Variants in RREB1 observed in about 807,000 individuals in gnomAD.
The protein encoded by RREB1 is ras responsive element binding protein 1.
RREB1 carries 27 observed loss-of-function variants against 117.8 expected under a neutral mutation model. The observed-to-expected ratio is 0.23, with a 90% CI of 0.17 to 0.32. The LOEUF (loss-of-function observed/expected upper bound fraction) is 0.32. Ranked by LOEUF, RREB1 falls within the 10% of genes least tolerant of loss-of-function variation. RREB1 has a pLI of 1.00. For missense variants in RREB1, 2,577 were observed against 2,378.2 expected (o/e 1.08, Z -1.74); for synonymous variants, 1,298 against 1,026.7 (o/e 1.26, Z -5.05).
chr6:7,108,476 C>G (rs867264929), intron 1 of RREB1, among the ~76,000 whole-genome samples: 3 of 152,192 alleles, frequency 2.0e-5, no homozygotes, highest in African/African-American at 7.2e-5. Flanking sequence ...TCCGGCCCGA[C>G]CCGCGCCGCC....
chr6:7,163,771 A>G (rs1763787512), intron 1 of RREB1, among the ~76,000 whole-genome samples: 1 of 152,198 alleles, frequency 6.6e-6, no homozygotes, highest in Non-Finnish European at 1.5e-5. Flanking sequence ...GGTATAGTGG[A>G]CTGCATTTTC....
chr6:7,158,378 A>G (rs537921994), intron 1 of RREB1, among the ~76,000 whole-genome samples: 1 of 151,626 alleles, frequency 6.6e-6, no homozygotes, highest in Admixed American at 6.6e-5. Flanking sequence ...TTTTCTTAAA[A>G]CTCTTACATC....
intron 1 of RREB1, among the ~76,000 whole-genome samples, chr6:7,164,251 C>T (rs1449662517): frequency 2.0e-5 from 3 of 152,196 alleles, no homozygotes; most frequent in Non-Finnish European, 4.4e-5. Flanking sequence ...CCACCCTTTT[C>T]GCCATGGCCT....
intron 6 of RREB1, among the ~76,000 whole-genome samples, chr6:7,206,100 G>A (rs1766256160): frequency 6.6e-6 from 1 of 152,218 alleles, no homozygotes; most frequent in African/African-American, 2.4e-5. Context: ...TACTGTTAAA[G>A]TGTCATGCTT....
intron 1 of RREB1, among the ~76,000 whole-genome samples, chr6:7,108,453 C>G (rs1760944015): frequency 6.6e-6 from 1 of 152,080 alleles, no homozygotes; most frequent in African/African-American, 2.4e-5. Flanking sequence ...TATTAGCCGT[C>G]CGAGCGCAGG....
chr6:7,240,698 G>A (rs1768653017), intron 11 of RREB1, 96 bp downstream of exon 11: 3 of 1,119,138 alleles, frequency 2.7e-6, no homozygotes, highest in Middle Eastern at 2.3e-4. Context: ...TGGAGGGGCT[G>A]CTTGTTCACT....
At chr6:7,156,515 C>T (rs1241450310) in intron 1 of RREB1, among the ~76,000 whole-genome samples, 1 of 152,196 alleles carries the variant, frequency 6.6e-6, no homozygotes, top group Non-Finnish European at 1.5e-5. Context: ...CAGCCACCTT[C>T]CGCACTGAGC....
rs1294479274 is a variant in RREB1 at position 7,230,951 on chromosome 6, C to A, written c.2852C>A (p.Ala951Asp). The change falls in exon 10 of 13, where the codon GCC becomes GAC. Residue 951 changes from alanine to aspartate, a missense_variant. Ala to Asp is a moderately radical substitution (Grantham distance 126, BLOSUM62 -2). Transcript: ENST00000379938. Reference sequence around the variant, plus strand: ...TTCAGGAAAGGGGACAAGGATTTGGCCACTCCCAGCGAAGCCAAGAAGCCT... The same window carrying A: ...TTCAGGAAAGGGGACAAGGATTTGGACACTCCCAGCGAAGCCAAGAAGCCT... ...KNFRKGDKDL[A>D]TPSEAKKPEE... is the part of the protein sequence containing the mutation. 1.2e-6 allele frequency: 2 copies of A among 1,613,946 alleles called. No individual in the cohort carries two copies. Among genetic ancestry groups the A allele is most frequent in the South Asian group, 2.2e-5 (2 of 91,042 alleles).
At chr6:7,210,779 TTGTG>T in intron 6 of RREB1, 21 bp from the exon 7 acceptor site, 1 of 1,589,442 alleles carries the variant, frequency 6.3e-7, no homozygotes, top group Non-Finnish European at 8.6e-7. Context: ...TTAGATCACA[TTGTG>T]TGTGTGTTTG....
intron 10 of RREB1, among the ~76,000 whole-genome samples, chr6:7,239,502 T>C (rs557352056): frequency 4.5e-4 from 69 of 152,260 alleles, no homozygotes; most frequent in Non-Finnish European, 1.2e-4. Context: ...GGAGCTTCTA[T>C]TGCATTTTGA....
At chr6:7,127,049 G>A (rs2113339457) in intron 1 of RREB1, among the ~76,000 whole-genome samples, 1 of 152,326 alleles carries the variant, frequency 6.6e-6, no homozygotes, top group East Asian at 1.9e-4. Flanking sequence ...TACAGGCCCT[G>A]GAGTATGAAA....
rs1022036749 is a variant in RREB1, at chr6:7,246,238, G to T, written c.3974-186G>T. On this transcript the variant is annotated intron_variant, in intron 11 of 12. Coordinates refer to ENST00000379938, the MANE Select transcript of RREB1 (RefSeq NM_001003699.4). ...GGAGGCTGCTTTTGCCTTTCTTCAC[G>T]TCCCCAGGGTCATCTTGGTCCTCCT... 3.3e-5 allele frequency among the ~76,000 whole-genome samples: 5 copies of T among 152,170 alleles called. No individual in the cohort carries two copies. In the South Asian group the frequency reaches 6.2e-4, roughly 19 times the overall value.
chr6:7,236,475 T>C lies in RREB1; in HGVS notation c.3809-3963T>C, dbSNP rs558253460. On this transcript the variant is annotated intron_variant, in intron 10 of 12. Transcript: ENST00000379938. ...ACCTGGGACACCACTTGTATTTGGC[T>C]CCTTTTAGCTTTCTTAAAAGACAGC... 1.4e-3 allele frequency among the ~76,000 whole-genome samples: 217 copies of C among 152,276 alleles called. 2 individuals are homozygous for C. The highest frequency in any genetic ancestry group is 2.6e-3 in the Non-Finnish European group (177 of 68,032).
intron 1 of RREB1, among the ~76,000 whole-genome samples, chr6:7,118,589 G>C (rs1353278003): frequency 6.6e-6 from 1 of 152,086 alleles, no homozygotes; most frequent in Non-Finnish European, 1.5e-5. Flanking sequence ...TTAAAACCAA[G>C]TATAGTTTAA....
Position 7,182,000 on chromosome 6 carries a change from T to C in RREB1, c.89T>C (p.Val30Ala). ...MMSAVMSVGK[V>A]TENGGSPQGI... The stretch of plus-strand genomic sequence containing the variant: ...TCGGCGGTCATGAGTGTAGGGAAGG[T>C]CACAGAGAATGGCGGGAGCCCCCAG... The change falls in exon 4 of 13, where the codon GTC becomes GCC. Residue 30 changes from valine to alanine, a missense_variant. By Grantham distance (64) the Val-to-Ala change is moderately conservative. Transcript: ENST00000379938. 1 of 1,613,514 alleles carries C rather than the reference T, an allele frequency of 6.2e-7. No homozygotes were observed. The highest frequency in any genetic ancestry group is 8.5e-7 in the Non-Finnish European group (1 of 1,179,824).
intron 1 of RREB1, among the ~76,000 whole-genome samples, chr6:7,160,788 G>A (rs1360744647): frequency 6.6e-6 from 1 of 151,036 alleles, no homozygotes; most frequent in Non-Finnish European, 1.5e-5. Context: ...CCTGGTTCAA[G>A]CAATTCTCCT....
At chr6:7,110,324 A>C (rs978944194) in intron 1 of RREB1, among the ~76,000 whole-genome samples, 17 of 152,240 alleles carry the variant, frequency 1.1e-4, no homozygotes, top group African/African-American at 3.6e-4. Flanking sequence ...CGGAAGTCTG[A>C]GTTAGATAGA....
chr6:7,126,344 C>G (rs1426561338), intron 1 of RREB1, among the ~76,000 whole-genome samples: 1 of 151,944 alleles, frequency 6.6e-6, no homozygotes, highest in East Asian at 1.9e-4. Context: ...CTGGAGTGCA[C>G]TACAACCTCC....
At chr6:7,202,030 A>C (rs535500363) in intron 6 of RREB1, among the ~76,000 whole-genome samples, 1 of 152,230 alleles carries the variant, frequency 6.6e-6, no homozygotes, top group South Asian at 2.1e-4. Context: ...TTGGGAGGTG[A>C]CATTTCTCTT....
Sources: gnomAD v4.1 joint callset for allele counts (sites outside exome capture counted in the v4.1 genomes callset) on GRCh38, gnomAD v4.1.1 for gene constraint, MANE v1.5 for transcripts, NCBI Gene and HGNC (gene_info 2026-07-23, HGNC 2026-07-21) for gene names.